Variants in CFAP47 observed in about 807,000 individuals in gnomAD.
The protein encoded by CFAP47 is cilia- and flagella-associated protein 47.
In CFAP47, 29 loss-of-function variants were observed where a neutral mutation model predicts 148.1. That is an observed-to-expected ratio of 0.20 (90% CI 0.15 to 0.27). The LOEUF (loss-of-function observed/expected upper bound fraction) is 0.27, where lower values mean the gene tolerates loss of function less well. Among genes scored for constraint, CFAP47 ranks in the 10% least tolerant of loss-of-function variants. The probability of loss-of-function intolerance (pLI) is 1.00; values close to 1 mark genes in which losing one functional copy is unlikely to be tolerated. For missense variants in CFAP47, 1,872 were observed against 1,697.5 expected (o/e 1.10, Z -1.81); for synonymous variants, 664 against 577.3 (o/e 1.15, Z -2.15).
At chrX:36,347,284 A>G (rs940445716) in intron 57 of CFAP47, among the ~76,000 whole-genome samples, 1 of 112,096 alleles carries the variant, frequency 8.9e-6, no homozygotes, top group Admixed American at 9.5e-5. Flanking sequence ...TCAGGAAACA[A>G]CAGATGCTGG....
chrX:36,091,373 A>G (rs1044103859), intron 30 of CFAP47, among the ~76,000 whole-genome samples: 1 of 111,351 alleles, frequency 9.0e-6, no homozygotes, highest in Non-Finnish European at 1.9e-5. Context: ...TGGGCACAAG[A>G]AAATATTCCA....
Position 35,966,657 on chromosome X carries a change from G to A in CFAP47, c.1503G>A (p.Leu501=). ...EIIGLVAEED[L]QSLSVKSFHH... Reference sequence around the variant, plus strand: ...TTGGTTTAGTGGCAGAAGAAGATTTGCAATCTTTGTCGGTAAAATCTTTCC... The same window carrying A: ...TTGGTTTAGTGGCAGAAGAAGATTTACAATCTTTGTCGGTAAAATCTTTCC... Residue 501 remains leucine (L), a synonymous_variant, in exon 9 of 64, where the codon TTG becomes TTA. Transcript: ENST00000378653. The A allele has an allele frequency of 8.5e-7, 1 of 1,178,169 alleles. No individual in the cohort carries two copies. Among genetic ancestry groups the A allele is most frequent in the Non-Finnish European group, 1.1e-6 (1 of 874,964 alleles).
At chrX:36,294,989 G>A (rs1181980934) in intron 51 of CFAP47, among the ~76,000 whole-genome samples, 1 of 111,210 alleles carries the variant, frequency 9.0e-6, no homozygotes, top group African/African-American at 3.3e-5. Flanking sequence ...GTATTTCACG[G>A]GATTAAATAT....
At chrX:35,927,638 T>C (rs920777806) in intron 2 of CFAP47, among the ~76,000 whole-genome samples, 1 of 109,625 alleles carries the variant, frequency 9.1e-6, no homozygotes, top group Non-Finnish European at 1.9e-5. Context: ...TGCATGTGTG[T>C]TATTAATTTC....
intron 18 of CFAP47, 24 bp downstream of exon 18, chrX:35,993,345 T>G (rs1310977430): frequency 3.5e-6 from 1 of 289,642 alleles, no homozygotes; most frequent in Non-Finnish European, 6.0e-6. Flanking sequence ...TATGAGTTTT[T>G]GCACCTTACA....
chrX:35,981,886 T>C (rs888691610), intron 15 of CFAP47, among the ~76,000 whole-genome samples: 7 of 111,898 alleles, frequency 6.3e-5, no homozygotes, highest in Admixed American at 1.9e-4. Context: ...TAGTATTCCA[T>C]GGTATATATG....
chrX:36,301,716 G>C (rs1941300499), intron 53 of CFAP47, among the ~76,000 whole-genome samples: 1 of 110,585 alleles, frequency 9.0e-6, no homozygotes, highest in African/African-American at 3.3e-5. Flanking sequence ...GTGGGAAGGA[G>C]AGAAACCTGG....
chrX:35,985,057 A>G (rs1403499648), intron 15 of CFAP47, among the ~76,000 whole-genome samples: 1 of 111,507 alleles, frequency 9.0e-6, no homozygotes, highest in African/African-American at 3.3e-5. Flanking sequence ...GTCTCCCATT[A>G]TTAGTGTGTT....
At chrX:36,351,878 G>A (rs1172931887) in intron 59 of CFAP47, among the ~76,000 whole-genome samples, 3 of 111,866 alleles carry the variant, frequency 2.7e-5, no homozygotes, top group Non-Finnish European at 5.7e-5. Flanking sequence ...TTTACTTTCT[G>A]TGTAGTCCAT....
At position 35,951,976 on chromosome X, in the gene CFAP47, T is replaced by C; in HGVS notation, c.1046+13T>C. ...GTTTCACCCCAAAGTAAGCAAAAATTAATTTCATTGTAATGTTAAATATTA... is the reference window on the plus strand; with the variant it reads ...GTTTCACCCCAAAGTAAGCAAAAATCAATTTCATTGTAATGTTAAATATTA... On this transcript the variant is annotated intron_variant, in intron 6 of 63. Coordinates refer to ENST00000378653, the MANE Select transcript of CFAP47 (RefSeq NM_001304548.2). 8.7e-7 allele frequency: 1 copy of C among 1,147,739 alleles called. No individual in the cohort carries two copies. The highest frequency in any genetic ancestry group is 1.9e-5 in the African/African-American group (1 of 53,558). 94.6% of individuals were successfully genotyped at this position (1,147,739 alleles called of 1,213,427 possible). A position where few individuals can be genotyped will look rare whatever the true frequency, so the allele number is the denominator to read the frequency against.
At chrX:36,144,939 GC>G in intron 35 of CFAP47, 2 of 812,987 alleles carry the variant, frequency 2.5e-6, no homozygotes, top group Non-Finnish European at 3.2e-6. Flanking sequence ...CTTGGCCTGA[GC>G]CATGCTTCTG....
chrX:36,377,423 T>C (rs1942034455), intron 62 of CFAP47, among the ~76,000 whole-genome samples: 2 of 112,529 alleles, frequency 1.8e-5, no homozygotes, highest in Admixed American at 1.9e-4. Context: ...AAATGTCTTC[T>C]TTTGAGAAGT....
At chrX:36,353,737 T>C (rs1941762602) in intron 60 of CFAP47, 56 bp downstream of exon 60, 1 of 931,077 alleles carries the variant, frequency 1.1e-6, no homozygotes, top group Non-Finnish European at 1.5e-6. Context: ...TTAGTTTCCA[T>C]GAATTGCAGG....
intron 26 of CFAP47, among the ~76,000 whole-genome samples, chrX:36,055,441 A>G (rs1269410734): frequency 9.0e-6 from 1 of 111,395 alleles, no homozygotes; most frequent in Non-Finnish European, 1.9e-5. Flanking sequence ...CTGTTCCTGC[A>G]TTAGTTTGCT....
At chrX:35,931,963 T>C (rs940078648) in intron 2 of CFAP47, among the ~76,000 whole-genome samples, 13 of 108,654 alleles carry the variant, frequency 1.2e-4, no homozygotes, top group Non-Finnish European at 2.1e-4. Flanking sequence ...CCATTGCTCC[T>C]CCCCCTCTCC....
At chrX:36,179,788 C>CT (rs928994715) in intron 40 of CFAP47, among the ~76,000 whole-genome samples, 50 of 103,708 alleles carry the variant, frequency 4.8e-4, no homozygotes, top group Admixed American at 1.5e-3. Context: ...ACTCTATTTT[C>CT]TTTTTTTTTT....
chrX:36,170,387 G>A (rs983563697), intron 39 of CFAP47, among the ~76,000 whole-genome samples: 4 of 110,488 alleles, frequency 3.6e-5, no homozygotes, highest in East Asian at 5.7e-4. Flanking sequence ...ATGCTGGTGC[G>A]CTGCACCCAC....
intron 62 of CFAP47, among the ~76,000 whole-genome samples, chrX:36,378,621 C>T (rs1316223378): frequency 8.9e-6 from 1 of 111,858 alleles, no homozygotes; most frequent in African/African-American, 3.3e-5. Context: ...CTTACTGCAA[C>T]CTCTGCCTCC....
intron 48 of CFAP47, among the ~76,000 whole-genome samples, chrX:36,245,505 T>C (rs1602066993): frequency 8.9e-6 from 1 of 111,783 alleles, no homozygotes; most frequent in East Asian, 2.8e-4. Context: ...GATAAACAAA[T>C]AGAAGTATGA....
Sources: gnomAD v4.1 joint callset for allele counts (sites outside exome capture counted in the v4.1 genomes callset) on GRCh38, gnomAD v4.1.1 for gene constraint, MANE v1.5 for transcripts, NCBI Gene and HGNC (gene_info 2026-07-23, HGNC 2026-07-21) for gene names.